The following SNTG1 variants were observed in gnomAD, a reference collection of about 807,000 sequenced individuals.
SNTG1 encodes syntrophin gamma 1, also known as gamma-1-syntrophin.
In SNTG1, 39 loss-of-function variants were observed where a neutral mutation model predicts 74.7. That is an observed-to-expected ratio of 0.52 (90% CI 0.40 to 0.68). The LOEUF is 0.68. Ranked by LOEUF, SNTG1 falls within the 30% of genes least tolerant of loss-of-function variation. The pLI is 0.00. For synonymous variants in SNTG1, 254 were observed against 217.1 expected, an observed-to-expected ratio of 1.17 and a Z score of -1.49; for missense variants, 685 against 609.5, an observed-to-expected ratio of 1.12 and a Z score of -1.30.
rs141083884 is a variant in SNTG1 at position 50,430,889 on chromosome 8, G to A, written c.163-7654G>A. ...TAGTTAGGAATCGACATGGAATTCC[G>A]AGATGGAATCACTCTTGTCTTCACA... On this transcript the variant is annotated intron_variant, in intron 4 of 18. Coordinates refer to ENST00000642720, the MANE Select transcript of SNTG1 (RefSeq NM_018967.5). Among the ~76,000 whole-genome samples the A allele has an allele frequency of 2.5e-3, 386 of 152,204 alleles. 1 individual carries two copies. Among genetic ancestry groups the A allele is most frequent in the East Asian group, 0.015 (75 of 5,172 alleles).
intron 1 of SNTG1, among the ~76,000 whole-genome samples, chr8:49,971,319 C>T (rs1199966443): frequency 3.3e-5 from 5 of 152,124 alleles, no homozygotes; most frequent in African/African-American, 4.8e-5. Flanking sequence ...TTCAACAACC[C>T]TTCATGCTGA....
intron 1 of SNTG1, among the ~76,000 whole-genome samples, chr8:49,922,170 T>C (rs1194541990): frequency 1.3e-5 from 2 of 152,132 alleles, no homozygotes; most frequent in Non-Finnish European, 2.9e-5. Context: ...CCCTGTCTGT[T>C]CCATCAGAAC....
rs781319685 is a variant in SNTG1, at chr8:50,394,193, C to T, written c.-27-19C>T. ...TGCCATGCTGTGCCTAATGGCTTAC[C>T]ATTTCTGTGTCTTTTCAGACGACAT... On this transcript the variant is annotated intron_variant, in intron 2 of 18. Transcript: ENST00000642720. 6.2e-6 allele frequency: 10 copies of T among 1,607,382 alleles called. No individual in the cohort carries two copies. The highest frequency in any genetic ancestry group is 8.5e-6 in the Non-Finnish European group (10 of 1,175,818).
At chr8:50,627,842 A>G in intron 13 of SNTG1, among the ~76,000 whole-genome samples, 1 of 152,206 alleles carries the variant, frequency 6.6e-6, no homozygotes, top group East Asian at 1.9e-4. Flanking sequence ...CTCCAGGAAC[A>G]CGTTCAGCTA....
At chr8:50,113,983 T>G (rs2080713372) in intron 1 of SNTG1, among the ~76,000 whole-genome samples, 1 of 151,900 alleles carries the variant, frequency 6.6e-6, no homozygotes, top group African/African-American at 2.4e-5. Context: ...TCACATAAAT[T>G]ATCATAGAAA....
chr8:50,345,751 C>T (rs962245903), intron 2 of SNTG1, among the ~76,000 whole-genome samples: 6 of 152,118 alleles, frequency 3.9e-5, no homozygotes, highest in South Asian at 2.1e-4. Flanking sequence ...TTCAGTGTTA[C>T]ATTGTGATAT....
chr8:50,050,188 A>T (rs1185456817), intron 1 of SNTG1, among the ~76,000 whole-genome samples: 2 of 151,974 alleles, frequency 1.3e-5, no homozygotes, highest in Non-Finnish European at 2.9e-5. Flanking sequence ...AATCAATAAA[A>T]TCAAAACACC....
intron 2 of SNTG1, among the ~76,000 whole-genome samples, chr8:50,194,404 T>C (rs570048529): frequency 3.5e-4 from 53 of 152,092 alleles, no homozygotes; most frequent in Non-Finnish European, 6.6e-4. Context: ...CAGGAAGTTG[T>C]ATTTTTCCAG....
intron 2 of SNTG1, among the ~76,000 whole-genome samples, chr8:50,361,529 A>G (rs1005769390): frequency 1.3e-5 from 2 of 152,150 alleles, no homozygotes; most frequent in African/African-American, 4.8e-5. Flanking sequence ...GTTTAGAGAT[A>G]GGATCTCTCT....
intron 4 of SNTG1, among the ~76,000 whole-genome samples, chr8:50,414,923 C>T (rs1205668315): frequency 1.3e-5 from 2 of 152,128 alleles, no homozygotes; most frequent in Non-Finnish European, 2.9e-5. Flanking sequence ...ACATAGTTCA[C>T]TGTGGCAAAA....
chr8:50,308,029 G>A (rs1448750606), intron 2 of SNTG1, among the ~76,000 whole-genome samples: 1 of 151,584 alleles, frequency 6.6e-6, no homozygotes, highest in Non-Finnish European at 1.5e-5. Flanking sequence ...CTCAGCTCAG[G>A]GCTTTGTTCT....
intron 3 of SNTG1, 93 bp downstream of exon 3, chr8:50,394,358 G>A (rs1295697059): frequency 3.1e-6 from 4 of 1,290,204 alleles, no homozygotes; most frequent in Non-Finnish European, 4.4e-6. Flanking sequence ...TTCTGCTTTT[G>A]GCAGAAAATG....
At chr8:50,705,543 A>C (rs774285858) in intron 16 of SNTG1, among the ~76,000 whole-genome samples, 6 of 152,158 alleles carry the variant, frequency 3.9e-5, no homozygotes, top group Non-Finnish European at 8.8e-5. Flanking sequence ...AGCAGCATCT[A>C]TAAGATTCTT....
At chr8:50,568,227 T>TTGTTTGTGTGTGTG (rs140888701) in intron 12 of SNTG1, among the ~76,000 whole-genome samples, 5,397 of 146,040 alleles carry the variant, frequency 0.037, 126 homozygotes, top group Admixed American at 0.08. Flanking sequence ...TTGTCCATGT[T>TTGTTTGTGTGTGTG]TGTGTGTGTG....
chr8:50,263,366 G>A lies in SNTG1; in HGVS notation c.-28+90731G>A, dbSNP rs150245174. Reference sequence around the variant, plus strand: ...TAGAAAGAAAAGCAAAATGACAAACGTAAATCTAACCATATTAGTAATGTT... The same window carrying A: ...TAGAAAGAAAAGCAAAATGACAAACATAAATCTAACCATATTAGTAATGTT... On this transcript the variant is annotated intron_variant, in intron 2 of 18. Transcript: ENST00000642720. Among the ~76,000 whole-genome samples the A allele has an allele frequency of 3.6e-3, 541 of 152,098 alleles. 4 individuals carry two copies. Among genetic ancestry groups the A allele is most frequent in the Middle Eastern group, 6.8e-3 (2 of 294 alleles).
At chr8:49,979,299 C>T (rs1812464771) in intron 1 of SNTG1, among the ~76,000 whole-genome samples, 3 of 152,174 alleles carry the variant, frequency 2.0e-5, no homozygotes, top group East Asian at 1.9e-4. Flanking sequence ...GCCTGCCCCG[C>T]GCCACGACAG....
At chr8:50,268,742 C>A (rs558688365) in intron 2 of SNTG1, among the ~76,000 whole-genome samples, 1 of 151,888 alleles carries the variant, frequency 6.6e-6, no homozygotes, top group African/African-American at 2.4e-5. Context: ...CTACGACCTC[C>A]GCCTCCTGAG....
At chr8:50,321,446 G>A (rs1464079574) in intron 2 of SNTG1, among the ~76,000 whole-genome samples, 1 of 151,918 alleles carries the variant, frequency 6.6e-6, no homozygotes, top group Non-Finnish European at 1.5e-5. Context: ...TGTGTTTCTT[G>A]TAGGCAACAG....
chr8:50,197,152 T>C (rs959138228), intron 2 of SNTG1, among the ~76,000 whole-genome samples: 1 of 152,200 alleles, frequency 6.6e-6, no homozygotes, highest in Non-Finnish European at 1.5e-5. Flanking sequence ...TTTCCATATT[T>C]ATTTTTCTTT....
Sources: gnomAD v4.1 joint callset for allele counts (sites outside exome capture counted in the v4.1 genomes callset) on GRCh38, gnomAD v4.1.1 for gene constraint, MANE v1.5 for transcripts, NCBI Gene and HGNC (gene_info 2026-07-23, HGNC 2026-07-21) for gene names.